Variants in CHD3 observed in about 807,000 individuals in gnomAD.
CHD3 encodes chromodomain helicase DNA binding protein 3, also known as ATP-dependent chromatin remodeler CHD3.
CHD3 carries 52 observed loss-of-function variants against 248.9 expected under a neutral mutation model. The ratio of observed to expected loss-of-function variants is 0.21; its 90% CI spans 0.17 to 0.26. The LOEUF is 0.26. Among genes scored for constraint, CHD3 ranks in the 10% least tolerant of loss-of-function variants. The pLI is 1.00. For missense variants in CHD3, 1,482 were observed against 2,605.8 expected, an observed-to-expected ratio of 0.57 and a Z score of 9.39; for synonymous variants, 985 against 985.2, an observed-to-expected ratio of 1.00 and a Z score of 0.00.
At position 7,900,143 on chromosome 17, in the gene CHD3, C is replaced by T; in HGVS notation, c.2682+110C>T. 6.6e-7 allele frequency: 1 copy of T among 1,525,312 alleles called. No homozygotes were observed. Among genetic ancestry groups the T allele is most frequent in the Non-Finnish European group, 8.9e-7 (1 of 1,127,358 alleles). 94.5% of individuals were successfully genotyped at this position (1,525,312 alleles called of 1,614,324 possible). On this transcript the variant is annotated intron_variant, in intron 16 of 39. Transcript: ENST00000330494. This position sits in a 1 kb window ranked among gnomAD's most constrained non-coding sequence, Gnocchi z 6.5. The stretch of plus-strand genomic sequence containing the variant: ...GATTTTCTGTAGTCTGGGAGGACGT[C>T]CAGGTTGGAAGAGGGAGAGGGCCAG...
Position 7,907,632 on chromosome 17 carries a change from G to A in CHD3, c.4956G>A (p.Glu1652=), listed in dbSNP as rs1365786283. The change falls in exon 33 of 40, where the codon GAG becomes GAA. Residue 1652 remains glutamate (E), a synonymous_variant. Coordinates refer to ENST00000330494, the MANE Select transcript of CHD3 (RefSeq NM_001005273.3). The surrounding 1 kb of genome is among the most constrained non-coding windows in gnomAD (Gnocchi z 4.3). ...ATESTPGERG[E]EKPLDGQEHR... ...AGTCGACGCCAGGAGAAAGGGGGGA[G>A]GAGAAGCCGTTGGATGGACAGGAAC... The A allele has an allele frequency of 6.6e-7, 1 of 1,524,990 alleles. No homozygotes were observed. Among genetic ancestry groups the A allele is most frequent in the Non-Finnish European group, 8.8e-7 (1 of 1,141,124 alleles). 94.5% of individuals were successfully genotyped at this position (1,524,990 alleles called of 1,614,324 possible). A position where few individuals can be genotyped will look rare whatever the true frequency, so the allele number is the denominator to read the frequency against.
At chr17:7,898,455 T>C in intron 12 of CHD3, 41 bp from the exon 13 acceptor site, 2 of 1,438,500 alleles carry the variant, frequency 1.4e-6, no homozygotes. Context: ...AGCGTAGGAC[T>C]CCCAAGGATG....
At chr17:7,892,098 C>T (rs975943771) in intron 4 of CHD3, among the ~76,000 whole-genome samples, 2 of 152,132 alleles carry the variant, frequency 1.3e-5, no homozygotes, top group East Asian at 1.9e-4. Flanking sequence ...AGCACAGTAC[C>T]GTCAGTGCCT....
rs751080294 is a variant in CHD3, at chr17:7,894,923, G to A, written c.1276G>A (p.Glu426Lys). ...GKWSCPHCEK[E>K]GVQWEAKEEE... ...TCTATCCTTGGCCCCCTAGGAGAAG[G>A]AGGGGGTCCAGTGGGAGGCCAAGGA... The change falls in exon 9 of 40, where the codon GAG becomes AAG. Residue 426 changes from glutamate to lysine, a missense_variant. By Grantham distance (56) the Glu-to-Lys change is moderately conservative. Around this residue, in one of 20 missense-constraint regions of CHD3, gnomAD observed 138 missense variants for 241.1 expected, o/e 0.57. Coordinates refer to ENST00000330494, the MANE Select transcript of CHD3 (RefSeq NM_001005273.3). 4 of 1,612,362 alleles carry A rather than the reference G, an allele frequency of 2.5e-6. No individual in the cohort carries two copies. The highest frequency in any genetic ancestry group is 3.4e-6 in the Non-Finnish European group (4 of 1,179,184).
At chr17:7,885,307 C>CCCGCCG (rs939052371), upstream of CHD3, 7,173 of 157,498 alleles carry the variant, frequency 0.046, 327 homozygotes, top group African/African-American at 0.1. Flanking sequence ...GCACCCCTCC[C>CCCGCCG]CCGCCGCCGC....
In CHD3 at chr17:7,910,914, G is replaced by A. The variant is rs199825581; in HGVS notation, c.5822G>A (p.Gly1941Glu). The A allele has an allele frequency of 1.1e-5, 18 of 1,613,670 alleles. No homozygotes were observed. Among genetic ancestry groups the A allele is most frequent in the Middle Eastern group, 3.3e-4 (2 of 6,062 alleles). ...YGAAFSAAPVGALAAAGANYS... is the reference protein window; with the variant it reads ...YGAAFSAAPVEALAAAGANYS... ...GCGGCCTTCAGCGCCGCACCCGTAGGGGCCCTGGCCGCCGCAGGCGCCAAT... is the reference window on the plus strand; with the variant it reads ...GCGGCCTTCAGCGCCGCACCCGTAGAGGCCCTGGCCGCCGCAGGCGCCAAT... Residue 1941 changes from glycine to glutamate, a missense_variant, in exon 39 of 40, where the codon GGG becomes GAG. By Grantham distance (98) the Gly-to-Glu change is moderately conservative. Transcript: ENST00000330494. The surrounding 1 kb of genome is among the most constrained non-coding windows in gnomAD (Gnocchi z 4.7).
Position 7,904,765 on chromosome 17 carries a change from T to A in CHD3, c.4072+146T>A, listed in dbSNP as rs1041826371. On this transcript the variant is annotated intron_variant, in intron 25 of 39. Transcript: ENST00000330494. The surrounding 1 kb of genome is among the most constrained non-coding windows in gnomAD (Gnocchi z 4.4). The stretch of plus-strand genomic sequence containing the variant: ...AAGGGAAAGACATAAGGTAGAGTCA[T>A]TAGGAACTACCCAGAGGCCAGGTGG... The A allele has an allele frequency of 1.2e-6, 1 of 839,156 alleles. No homozygotes were observed. The highest frequency in any genetic ancestry group is 1.9e-5 in the South Asian group (1 of 53,490). 52.0% of individuals were successfully genotyped at this position (839,156 alleles called of 1,614,324 possible).
chr17:7,894,722 T>C (rs1567844246), intron 8 of CHD3, 114 bp downstream of exon 8: 3 of 1,323,974 alleles, frequency 2.3e-6, no homozygotes, highest in South Asian at 2.7e-5. Context: ...TAGTAACAGA[T>C]GTCCGAGTGT....
chr17:7,890,598 C>T lies in CHD3; in HGVS notation c.241C>T (p.Arg81Ter). The T allele has an allele frequency of 6.3e-7, 1 of 1,593,508 alleles. No individual in the cohort carries two copies. Among genetic ancestry groups the T allele is most frequent in the Admixed American group, 1.9e-5 (1 of 53,154 alleles). The stretch of plus-strand genomic sequence containing the variant: ...CAGTGAGGAGGAATTTGGTTCTGAG[C>T]GAGATGAGTACCGGGAGAAGTCAGA... Reference protein sequence around the residue: ...RDSEEEFGSERDEYREKSESG... With the variant: ...RDSEEEFGSE The change falls in exon 3 of 40, where the codon CGA (arginine) becomes TGA (stop). Residue 81 changes from arginine to a stop codon, truncating the protein, a stop_gained. Coordinates refer to ENST00000330494, the MANE Select transcript of CHD3 (RefSeq NM_001005273.3). LOFTEE classifies it high-confidence loss of function.
In CHD3 at chr17:7,907,302, C is replaced by T. The variant is rs1567870079; in HGVS notation, c.4789-51C>T. On this transcript the variant is annotated intron_variant, in intron 31 of 39. Transcript: ENST00000330494. The surrounding 1 kb of genome is among the most constrained non-coding windows in gnomAD (Gnocchi z 4.3). Reference sequence around the variant, plus strand: ...GCGGGAGGGGAGGGGGCTTGGAGGCCAGGTACCTGGGAGCCCTCTGGCTCA... The same window carrying T: ...GCGGGAGGGGAGGGGGCTTGGAGGCTAGGTACCTGGGAGCCCTCTGGCTCA... 3 of 1,612,778 alleles carry T rather than the reference C, an allele frequency of 1.9e-6. No homozygotes were observed. Among genetic ancestry groups the T allele is most frequent in the Non-Finnish European group, 2.5e-6 (3 of 1,179,284 alleles).
chr17:7,889,231 G>A lies in CHD3; in HGVS notation c.100+131G>A. ...TCCCCAGCATCTGGCTTAGGGAGCT[G>A]CCAGCTTGTGTCTCCCCACTCCAAG... On this transcript the variant is annotated intron_variant, in intron 1 of 39. Transcript: ENST00000330494. This position sits in a 1 kb window ranked among gnomAD's most constrained non-coding sequence, Gnocchi z 4.5. 8.8e-7 allele frequency: 1 copy of A among 1,131,850 alleles called. No individual in the cohort carries two copies. Among genetic ancestry groups the A allele is most frequent in the Non-Finnish European group, 1.3e-6 (1 of 797,578 alleles). 70.1% of individuals were successfully genotyped at this position (1,131,850 alleles called of 1,614,324 possible).
upstream of CHD3, chr17:7,884,955 G>A: frequency 7.4e-7 from 1 of 1,356,252 alleles, no homozygotes; most frequent in Non-Finnish European, 9.6e-7. Context: ...GACGACGAGG[G>A]AGTACTCGGG....
At position 7,906,622 on chromosome 17, in the gene CHD3, T is replaced by C. The variant is rs763370028; in HGVS notation, c.4428T>C (p.Asp1476=). 7 of 1,613,836 alleles carry C rather than the reference T, an allele frequency of 4.3e-6. No individual in the cohort carries two copies. The highest frequency in any genetic ancestry group is 1.3e-5 in the African/African-American group (1 of 74,974). Reference sequence around the variant, plus strand: ...CAGACGGCTCTGAAACCTTTGCCGATGGGGTCCCTCGGGAGGGACTGAGTC... The same window carrying C: ...CAGACGGCTCTGAAACCTTTGCCGACGGGGTCCCTCGGGAGGGACTGAGTC... ...PGADGSETFA[D]GVPREGLSRQ... The change falls in exon 29 of 40, where the codon GAT becomes GAC. Residue 1476 remains aspartate (D), a synonymous_variant. Transcript: ENST00000330494. The surrounding 1 kb of genome is among the most constrained non-coding windows in gnomAD (Gnocchi z 5.0).
chr17:7,910,133 C>T lies in CHD3; in HGVS notation c.5591-295C>T. On this transcript the variant is annotated intron_variant, in intron 37 of 39. Transcript: ENST00000330494. The surrounding 1 kb of genome is among the most constrained non-coding windows in gnomAD (Gnocchi z 4.7). ...CCGCCCCCATGTCTTCCAATGTCCCCCCATCTTCCTTTCCTCCATGCTCCC... is the reference window on the plus strand; with the variant it reads ...CCGCCCCCATGTCTTCCAATGTCCCTCCATCTTCCTTTCCTCCATGCTCCC... 1 of 413,134 alleles carries T rather than the reference C, an allele frequency of 2.4e-6. No homozygotes were observed. Among genetic ancestry groups the T allele is most frequent in the East Asian group, 5.0e-5 (1 of 20,176 alleles). The allele number at this position is 413,134 out of a possible 1,614,324, so 25.6% of individuals were successfully genotyped here. A position where few individuals can be genotyped will look rare whatever the true frequency, so the allele number is the denominator to read the frequency against.
upstream of CHD3, chr17:7,884,907 A>T: frequency 2.2e-6 from 3 of 1,358,662 alleles, no homozygotes; most frequent in Non-Finnish European, 2.9e-6. Flanking sequence ...GAGGAGGAGG[A>T]GGAGGTGGAG....
At chr17:7,884,823 G>A, upstream of CHD3, 1 of 899,118 alleles carries the variant, frequency 1.1e-6, no homozygotes, top group East Asian at 3.4e-5. Context: ...TCCCCTCTGA[G>A]GGACGAGGAG....
rs1969825412 is a variant in CHD3, at chr17:7,897,461, G to C, written c.1919+167G>C. Among the ~76,000 whole-genome samples the C allele has an allele frequency of 6.6e-6, 1 of 152,208 alleles. No homozygotes were observed. Among genetic ancestry groups the C allele is most frequent in the Non-Finnish European group, 1.5e-5 (1 of 68,042 alleles). Reference sequence around the variant, plus strand: ...CCTTGTTTCCTCCAGGGGAACGGGAGAAAACAGGAGGAAAATCCGGCCAGG... The same window carrying C: ...CCTTGTTTCCTCCAGGGGAACGGGACAAAACAGGAGGAAAATCCGGCCAGG... On this transcript the variant is annotated intron_variant, in intron 11 of 39. Transcript: ENST00000330494. This position sits in a 1 kb window ranked among gnomAD's most constrained non-coding sequence, Gnocchi z 4.8.
chr17:7,904,094 A>C lies in CHD3; in HGVS notation c.3894+103A>C, dbSNP rs746861469. On this transcript the variant is annotated intron_variant, in intron 24 of 39. Coordinates refer to ENST00000330494, the MANE Select transcript of CHD3 (RefSeq NM_001005273.3). This position sits in a 1 kb window ranked among gnomAD's most constrained non-coding sequence, Gnocchi z 4.4. ...TAGGAGGGTCTGTCCCCCTTAAAAC[A>C]GTAGTGGACCTCAAACAACTTCTTC... is the stretch of plus-strand genomic sequence containing the variant. The C allele has an allele frequency of 2.4e-6, 3 of 1,245,066 alleles. No homozygotes were observed. The highest frequency in any genetic ancestry group is 3.4e-6 in the Non-Finnish European group (3 of 889,124). 77.1% of individuals were successfully genotyped at this position (1,245,066 alleles called of 1,614,324 possible).
chr17:7,884,903 GA>G, upstream of CHD3: 1 of 1,412,886 alleles, frequency 7.1e-7, no homozygotes, highest in Non-Finnish European at 9.4e-7. Context: ...CGAGGAGGAG[GA>G]GGAGGAGGTG....
Sources: allele counts gnomAD v4.1 joint callset (sites outside exome capture counted in the v4.1 genomes callset), GRCh38; gene constraint gnomAD v4.1.1; regional missense constraint gnomAD v4.1.1; non-coding constraint Gnocchi (gnomAD v3.1); transcripts MANE v1.5; gene names NCBI Gene and HGNC (gene_info 2026-07-23, HGNC 2026-07-21).